The following ADGRB3 variants were observed in gnomAD, a reference collection of about 807,000 sequenced individuals.
ADGRB3 encodes the protein brain-specific angiogenesis inhibitor 3.
Under a neutral mutation model 193.4 loss-of-function variants are expected in ADGRB3, and 37 were observed. That is an observed-to-expected ratio of 0.19 (90% confidence interval 0.15 to 0.25). The LOEUF is 0.25. Among genes scored for constraint, ADGRB3 ranks in the 10% least tolerant of loss-of-function variants. The pLI is 1.00. For missense variants in ADGRB3, 1,637 were observed against 1,852.9 expected (o/e 0.88, Z 2.14); for synonymous variants, 690 against 644.2 (o/e 1.07, Z -1.08).
chr6:69,041,006 T>C (rs1415551465), intron 13 of ADGRB3, among the ~76,000 whole-genome samples: 1 of 152,184 alleles, frequency 6.6e-6, no homozygotes, highest in African/African-American at 2.4e-5. Flanking sequence ...CTTCTGGAAC[T>C]TGGAGATCTT....
intron 20 of ADGRB3, among the ~76,000 whole-genome samples, chr6:69,295,230 A>G (rs1046700422): frequency 3.9e-5 from 6 of 152,184 alleles, no homozygotes; most frequent in African/African-American, 7.2e-5. Flanking sequence ...GAAACAAACA[A>G]TGGAGCTTCA....
intron 26 of ADGRB3, among the ~76,000 whole-genome samples, chr6:69,347,635 T>A (rs1769129995): frequency 6.6e-6 from 1 of 151,822 alleles, no homozygotes. Flanking sequence ...TTAAAAAACA[T>A]TTAGCCAGGT....
intron 3 of ADGRB3, among the ~76,000 whole-genome samples, chr6:68,808,951 G>A (rs1047161363): frequency 2.6e-5 from 4 of 152,120 alleles, no homozygotes; most frequent in Non-Finnish European, 5.9e-5. Flanking sequence ...ATGGGGCTCA[G>A]GGATCTGTAT....
At chr6:69,346,005 A>T (rs1769080405) in intron 26 of ADGRB3, among the ~76,000 whole-genome samples, 1 of 152,214 alleles carries the variant, frequency 6.6e-6, no homozygotes, top group Non-Finnish European at 1.5e-5. Flanking sequence ...CCCATTTACA[A>T]TTGCTACAAA....
At chr6:69,306,130 G>A (rs995166545) in intron 20 of ADGRB3, among the ~76,000 whole-genome samples, 1 of 151,394 alleles carries the variant, frequency 6.6e-6, no homozygotes. Flanking sequence ...TTCATGGGTG[G>A]GGGGAAGCAA....
chr6:68,653,444 C>T lies in ADGRB3; in HGVS notation c.757+14012C>T, dbSNP rs545263507. Among the ~76,000 whole-genome samples, 10 of 152,050 alleles carry T rather than the reference C, an allele frequency of 6.6e-5. No individual in the cohort carries two copies. In the South Asian group the frequency reaches 2.1e-3, roughly 32 times the overall value. On this transcript the variant is annotated intron_variant, in intron 3 of 31. Transcript: ENST00000370598. ...AATCCAGATGTAATAAGGTGATGGG[C>T]ATGTCAGTAAATGATATTTTGGGGG...
intron 23 of ADGRB3, among the ~76,000 whole-genome samples, chr6:69,330,842 T>G (rs1266044581): frequency 1.3e-5 from 2 of 152,210 alleles, no homozygotes; most frequent in African/African-American, 4.8e-5. Context: ...TAAGTTTTAA[T>G]GAATTCTTCC....
At chr6:68,645,776 G>A (rs781161950) in intron 3 of ADGRB3, among the ~76,000 whole-genome samples, 29 of 152,152 alleles carry the variant, frequency 1.9e-4, no homozygotes, top group Admixed American at 7.9e-4. Context: ...GAGTTCAAGC[G>A]ATTCTCCTGC....
intron 4 of ADGRB3, 38 bp downstream of exon 4, chr6:68,930,707 A>T: frequency 7.2e-7 from 1 of 1,394,500 alleles, no homozygotes; most frequent in Non-Finnish European, 1.0e-6. Context: ...TATTGTTGTT[A>T]ATTTAATGAA....
At chr6:68,820,010 G>A (rs569221323) in intron 3 of ADGRB3, among the ~76,000 whole-genome samples, 1 of 152,064 alleles carries the variant, frequency 6.6e-6, no homozygotes, top group South Asian at 2.1e-4. Context: ...TGCCCAAGTA[G>A]ACTTACTAAA....
At chr6:68,658,735 A>C (rs1048626289) in intron 3 of ADGRB3, among the ~76,000 whole-genome samples, 1 of 151,266 alleles carries the variant, frequency 6.6e-6, no homozygotes, top group Admixed American at 6.6e-5. Context: ...TAAATGTCTT[A>C]GGTTACAGGG....
chr6:68,977,211 T>C (rs867640740), intron 10 of ADGRB3, among the ~76,000 whole-genome samples: 69 of 151,654 alleles, frequency 4.5e-4, no homozygotes, highest in Middle Eastern at 3.5e-3. Context: ...ATATGAAATA[T>C]AAAGCTTCTT....
Position 68,985,884 on chromosome 6 carries a change from G to A in ADGRB3, c.1735-7884G>A, listed in dbSNP as rs1769056796. Reference sequence around the variant, plus strand: ...ACTTAGTGCTCTGCTTCTGATTGGGGAGGTTTCTAAAAGCTTGGGCACCAG... The same window carrying A: ...ACTTAGTGCTCTGCTTCTGATTGGGAAGGTTTCTAAAAGCTTGGGCACCAG... On this transcript the variant is annotated intron_variant, in intron 10 of 31. Transcript: ENST00000370598. Among the ~76,000 whole-genome samples, 4 of 152,086 alleles carry A rather than the reference G, an allele frequency of 2.6e-5. No homozygotes were observed. In the East Asian group the frequency reaches 7.7e-4, roughly 29 times the overall value.
chr6:68,829,100 T>C lies in ADGRB3; in HGVS notation c.758-101459T>C, dbSNP rs1428600472. 2.1e-4 allele frequency among the ~76,000 whole-genome samples: 28 copies of C among 136,382 alleles called. 2 individuals are homozygous for C. The highest frequency in any genetic ancestry group is 3.6e-3 in the Middle Eastern group (1 of 280). The allele number at this position is 136,382 out of a possible 152,430, so 89.5% of individuals were successfully genotyped here. On this transcript the variant is annotated intron_variant, in intron 3 of 31. Coordinates refer to ENST00000370598, the MANE Select transcript of ADGRB3 (RefSeq NM_001704.3). ...ATAGCTGTTTAAGTAACTTTTTTTTTTTTTTTTTTTTTTTTTTGAGATGGT... is the reference window on the plus strand; with the variant it reads ...ATAGCTGTTTAAGTAACTTTTTTTTCTTTTTTTTTTTTTTTTTGAGATGGT...
At chr6:69,234,046 A>G (rs943009657) in intron 18 of ADGRB3, among the ~76,000 whole-genome samples, 13 of 152,190 alleles carry the variant, frequency 8.5e-5, no homozygotes, top group African/African-American at 3.1e-4. Context: ...TATTTTGAGG[A>G]AATATAACTC....
At chr6:69,073,381 T>A (rs972555792) in intron 16 of ADGRB3, among the ~76,000 whole-genome samples, 1 of 152,144 alleles carries the variant, frequency 6.6e-6, no homozygotes, top group Non-Finnish European at 1.5e-5. Flanking sequence ...GTGCTGGTGA[T>A]GTTGTAGAAC....
chr6:69,309,787 T>C (rs1768142932), intron 20 of ADGRB3, among the ~76,000 whole-genome samples: 1 of 151,598 alleles, frequency 6.6e-6, no homozygotes, highest in Non-Finnish European at 1.5e-5. Context: ...CTTGCTCCAA[T>C]ACTAACTTTG....
chr6:69,388,963 T>C lies in ADGRB3; in HGVS notation c.*72T>C. The C allele has an allele frequency of 2.1e-6, 3 of 1,431,780 alleles. No homozygotes were observed. The highest frequency in any genetic ancestry group is 1.9e-4 in the Middle Eastern group (1 of 5,242). 88.7% of individuals were successfully genotyped at this position (1,431,780 alleles called of 1,614,324 possible). A position where few individuals can be genotyped will look rare whatever the true frequency, so the allele number is the denominator to read the frequency against. On this transcript the variant is annotated 3_prime_UTR_variant, in exon 32 of 32. Coordinates refer to ENST00000370598, the MANE Select transcript of ADGRB3 (RefSeq NM_001704.3). The stretch of plus-strand genomic sequence containing the variant: ...CACTTAAGACTTGGGAAGCCTGACA[T>C]TTCTATCTGGACAGTGTGACTATCT...
chr6:68,751,269 G>T (rs767065541), intron 3 of ADGRB3, among the ~76,000 whole-genome samples: 3 of 151,980 alleles, frequency 2.0e-5, no homozygotes, highest in Non-Finnish European at 4.4e-5. Flanking sequence ...GACTTCTACC[G>T]TGTTTCATGG....
Sources: gnomAD v4.1 joint callset for allele counts (sites outside exome capture counted in the v4.1 genomes callset) on GRCh38, gnomAD v4.1.1 for gene constraint, MANE v1.5 for transcripts, NCBI Gene and HGNC (gene_info 2026-07-23, HGNC 2026-07-21) for gene names.